Variants in GTF3C3 observed in about 807,000 individuals in gnomAD.
GTF3C3 encodes general transcription factor IIIC subunit 3.
A neutral mutation model predicts 105.2 loss-of-function variants in GTF3C3; 75 were observed. The ratio of observed to expected loss-of-function variants is 0.71; its 90% CI spans 0.59 to 0.86. The LOEUF (loss-of-function observed/expected upper bound fraction) is 0.86. GTF3C3 is among the 40% of genes least tolerant of loss of function. GTF3C3 has a pLI of 0.00. For synonymous variants in GTF3C3, 335 were observed against 370.4 expected, an observed-to-expected ratio of 0.90 and a Z score of 1.10; for missense variants, 856 against 1,076.5, an observed-to-expected ratio of 0.80 and a Z score of 2.87.
chr2:196,791,069 T>C (rs948654820), intron 4 of GTF3C3, among the ~76,000 whole-genome samples: 1 of 152,082 alleles, frequency 6.6e-6, no homozygotes, highest in Non-Finnish European at 1.5e-5. Flanking sequence ...CATAATATAT[T>C]TGCCATACTG....
Position 196,776,054 on chromosome 2 carries a change from C to A in GTF3C3, c.1651G>T (p.Gly551Cys). 2 of 1,598,212 alleles carry A rather than the reference C, an allele frequency of 1.3e-6. No individual in the cohort carries two copies. Among genetic ancestry groups the A allele is most frequent in the South Asian group, 1.1e-5 (1 of 88,346 alleles). The change falls in exon 12 of 18, where the codon GGT becomes TGT. Residue 551 changes from glycine (G) to cysteine (C), a missense_variant. By Grantham distance (159) the Gly-to-Cys change is radical (BLOSUM62 -3). Around this residue, in one of 3 missense-constraint regions of GTF3C3, gnomAD observed 605 missense variants for 833.6 expected, o/e 0.73. Transcript: ENST00000263956. The surrounding 1 kb of genome is among the most constrained non-coding windows in gnomAD (Gnocchi z 4.5). ...ATAGTAAGTAAGGTATCCACATAACCATACATTTTGCCTTGTGAAAACAAC... is the reference window on the plus strand; with the variant it reads ...ATAGTAAGTAAGGTATCCACATAACAATACATTTTGCCTTGTGAAAACAAC... ...TLLFSQGKMY[G>C]YVDTLLTMLA...
chr2:196,772,189 G>A (rs1391830936), intron 14 of GTF3C3, among the ~76,000 whole-genome samples: 4 of 152,106 alleles, frequency 2.6e-5, no homozygotes, highest in African/African-American at 9.7e-5. Flanking sequence ...ACTAAAACAG[G>A]AGCAAGTGGT....
Position 196,785,427 on chromosome 2 carries a change from A to G in GTF3C3, c.1041+14T>C. The G allele has an allele frequency of 6.5e-7, 1 of 1,547,136 alleles. No homozygotes were observed. The highest frequency in any genetic ancestry group is 8.8e-7 in the Non-Finnish European group (1 of 1,137,520). On this transcript the variant is annotated intron_variant, in intron 7 of 17. Coordinates refer to ENST00000263956, the MANE Select transcript of GTF3C3 (RefSeq NM_012086.5). ...CATGCAAAACTTAACAGAGAAACAC[A>G]TAAGCATTCCTACCTCCAAAGCTTT...
At chr2:196,774,653 T>G (rs1299776489) in intron 13 of GTF3C3, among the ~76,000 whole-genome samples, 1 of 152,150 alleles carries the variant, frequency 6.6e-6, no homozygotes, top group African/African-American at 2.4e-5. Flanking sequence ...AAACACAAGC[T>G]GCAGAGGTAG....
At position 196,771,739 on chromosome 2, in the gene GTF3C3, G is replaced by A; in HGVS notation, c.2260+9C>T. ...TATGCTTGACAAAGTCACGTGCCAG[G>A]ACACTTACCAAGCGCATGCTTAAAA... is the stretch of plus-strand genomic sequence containing the variant. On this transcript the variant is annotated intron_variant, in intron 15 of 17. Transcript: ENST00000263956. 1 of 1,588,110 alleles carries A rather than the reference G, an allele frequency of 6.3e-7. No individual in the cohort carries two copies. The highest frequency in any genetic ancestry group is 8.6e-7 in the Non-Finnish European group (1 of 1,156,306).
At chr2:196,770,842 A>G (rs1699160470) in intron 15 of GTF3C3, among the ~76,000 whole-genome samples, 2 of 152,196 alleles carry the variant, frequency 1.3e-5, no homozygotes, top group African/African-American at 2.4e-5. Context: ...GGAAAATAAA[A>G]TATTTTTATT....
At chr2:196,765,793 A>G (rs1008402294) in intron 17 of GTF3C3, among the ~76,000 whole-genome samples, 24 of 151,622 alleles carry the variant, frequency 1.6e-4, no homozygotes, top group South Asian at 4.2e-4. Context: ...GGCGGATCAC[A>G]AGGTCAGGAG....
Position 196,765,019 on chromosome 2 carries a change from A to C in GTF3C3, c.2539-334T>G, listed in dbSNP as rs1699036185. Among the ~76,000 whole-genome samples the C allele has an allele frequency of 2.0e-5, 3 of 152,214 alleles. No individual in the cohort carries two copies. The South Asian group carries it at 6.2e-4, about 31-fold the overall frequency. ...ATCTTGGATAGGAAAGGTCCTTTTTATGATAGCAAAAGTAGCAACTATAAA... is the reference window on the plus strand; with the variant it reads ...ATCTTGGATAGGAAAGGTCCTTTTTCTGATAGCAAAAGTAGCAACTATAAA... On this transcript the variant is annotated intron_variant, in intron 17 of 17. Transcript: ENST00000263956.
At chr2:196,771,688 G>A (rs1361722338) in intron 15 of GTF3C3, 60 bp downstream of exon 15, 4 of 1,159,256 alleles carry the variant, frequency 3.5e-6, no homozygotes, top group Non-Finnish European at 5.2e-6. Flanking sequence ...TTCCAATCCA[G>A]AGGCTAGGCT....
At position 196,782,858 on chromosome 2, in the gene GTF3C3, A is replaced by C. The variant is rs1249111352; in HGVS notation, c.1114+1999T>G. 1.3e-5 allele frequency among the ~76,000 whole-genome samples: 2 copies of C among 152,188 alleles called. 1 individual carries two copies. The highest frequency in any genetic ancestry group is 2.9e-5 in the Non-Finnish European group (2 of 68,028). ...ACTTGACAATGCTAAGGAAAGCAGTATATATATTTATAGCCCCTACAGCTT... is the reference window on the plus strand; with the variant it reads ...ACTTGACAATGCTAAGGAAAGCAGTCTATATATTTATAGCCCCTACAGCTT... On this transcript the variant is annotated intron_variant, in intron 8 of 17. Coordinates refer to ENST00000263956, the MANE Select transcript of GTF3C3 (RefSeq NM_012086.5).
At chr2:196,792,615 G>T (rs924053454) in intron 3 of GTF3C3, among the ~76,000 whole-genome samples, 2 of 152,014 alleles carry the variant, frequency 1.3e-5, no homozygotes, top group Non-Finnish European at 2.9e-5. Flanking sequence ...ACTTTGCTTT[G>T]ACTTTATTTA....
At chr2:196,788,620 T>G (rs972237766) in intron 6 of GTF3C3, among the ~76,000 whole-genome samples, 1 of 152,216 alleles carries the variant, frequency 6.6e-6, no homozygotes, top group Non-Finnish European at 1.5e-5. Flanking sequence ...CACTTTTGAC[T>G]AAGTTTGGAA....
intron 13 of GTF3C3, 45 bp from the exon 14 acceptor site, chr2:196,773,198 G>C: frequency 9.6e-7 from 1 of 1,039,054 alleles, no homozygotes; most frequent in Non-Finnish European, 1.4e-6. Context: ...TGTATTTCCA[G>C]AAATAGCAGT....
intron 14 of GTF3C3, among the ~76,000 whole-genome samples, chr2:196,772,191 G>A (rs1699186291): frequency 6.6e-6 from 1 of 152,200 alleles, no homozygotes; most frequent in Non-Finnish European, 1.5e-5. Context: ...TAAAACAGGA[G>A]CAAGTGGTTT....
At chr2:196,779,129 GCT>G in intron 9 of GTF3C3, 62 bp from the exon 10 acceptor site, 2 of 1,187,068 alleles carry the variant, frequency 1.7e-6, no homozygotes, top group Non-Finnish European at 2.4e-6. Flanking sequence ...TCTATCTATA[GCT>G]TTTTTTTTTT....
chr2:196,766,831 G>C (rs1419223294), intron 16 of GTF3C3, 114 bp from the exon 17 acceptor site: 1 of 712,462 alleles, frequency 1.4e-6, no homozygotes, highest in African/African-American at 1.8e-5. Context: ...CTATCTATCT[G>C]CTTAGTGTCC....
At position 196,763,763 on chromosome 2, in the gene GTF3C3, T is replaced by A. The variant is rs549263835; in HGVS notation, c.*800A>T. The A allele has an allele frequency of 2.6e-5, 4 of 152,200 alleles. No homozygotes were observed. The highest frequency in any genetic ancestry group is 1.5e-5 in the Non-Finnish European group (1 of 68,036). 9.4% of individuals were successfully genotyped at this position (152,200 alleles called of 1,614,324 possible). The stretch of plus-strand genomic sequence containing the variant: ...CTGTTAACTTAAATTCAAGAACATA[T>A]AATAAATAGTGGAGATGAGTAAACA... On this transcript the variant is annotated 3_prime_UTR_variant, in exon 18 of 18. Transcript: ENST00000263956.
chr2:196,792,254 C>T (rs1699562593), intron 3 of GTF3C3, among the ~76,000 whole-genome samples: 1 of 152,122 alleles, frequency 6.6e-6, no homozygotes. Context: ...ACTTCCCGTG[C>T]TCAAGCATCC....
At chr2:196,783,702 G>A (rs1350048534) in intron 8 of GTF3C3, among the ~76,000 whole-genome samples, 3 of 152,044 alleles carry the variant, frequency 2.0e-5, no homozygotes, top group Admixed American at 2.0e-4. Context: ...CTTAAATTGG[G>A]CCTCTATAAA....
Sources: allele counts gnomAD v4.1 joint callset (sites outside exome capture counted in the v4.1 genomes callset), GRCh38; gene constraint gnomAD v4.1.1; regional missense constraint gnomAD v4.1.1; non-coding constraint Gnocchi (gnomAD v3.1); transcripts MANE v1.5; gene names NCBI Gene and HGNC (gene_info 2026-07-23, HGNC 2026-07-21).